Variants in GPC3 observed in about 807,000 individuals in gnomAD.
GPC3 encodes glypican 3, also known as glypican-3.
A neutral mutation model predicts 34.4 loss-of-function variants in GPC3; 3 were observed. That is an observed-to-expected ratio of 0.09 (90% CI 0.04 to 0.23). The LOEUF is 0.23. Ranked by LOEUF, GPC3 falls within the 10% of genes least tolerant of loss-of-function variation. GPC3 has a pLI of 1.00. For synonymous variants in GPC3, 177 were observed against 174.0 expected (o/e 1.02, Z -0.13); for missense variants, 351 against 445.6 (o/e 0.79, Z 1.91).
intron 3 of GPC3, among the ~76,000 whole-genome samples, chrX:133,709,970 G>A (rs2071253143): frequency 9.0e-6 from 1 of 111,698 alleles, no homozygotes; most frequent in African/African-American, 3.2e-5. Context: ...CAGCACAGAG[G>A]ATAATGAACA....
At chrX:133,809,882 G>A (rs948713234) in intron 2 of GPC3, among the ~76,000 whole-genome samples, 26 of 111,735 alleles carry the variant, frequency 2.3e-4, no homozygotes, top group African/African-American at 8.1e-4. Context: ...ACAACAAAGT[G>A]TGTTTTCAGA....
At chrX:133,611,960 A>G (rs1417717196) in intron 6 of GPC3, among the ~76,000 whole-genome samples, 1 of 112,398 alleles carries the variant, frequency 8.9e-6, no homozygotes, top group Non-Finnish European at 1.9e-5. Flanking sequence ...ACCTTTTGCC[A>G]TAAATGCACC....
At chrX:133,540,028 C>A (rs1163131034) in intron 7 of GPC3, among the ~76,000 whole-genome samples, 1 of 112,545 alleles carries the variant, frequency 8.9e-6, no homozygotes, top group Non-Finnish European at 1.9e-5. Context: ...AGCCCCCTCA[C>A]TGGCAAGGGA....
intron 6 of GPC3, among the ~76,000 whole-genome samples, chrX:133,617,961 C>T (rs183135162): frequency 2.4e-3 from 270 of 111,241 alleles, no homozygotes; most frequent in African/African-American, 8.1e-3. Context: ...GTGTGTGAAC[C>T]GAAACATTTT....
intron 7 of GPC3, among the ~76,000 whole-genome samples, chrX:133,563,349 C>T (rs1376898054): frequency 1.8e-5 from 2 of 111,342 alleles, no homozygotes; most frequent in Non-Finnish European, 3.8e-5. Flanking sequence ...TCCTGAGTAG[C>T]TGGGACTAGG....
chrX:133,598,958 T>C (rs1428799307), intron 6 of GPC3, among the ~76,000 whole-genome samples: 1 of 112,416 alleles, frequency 8.9e-6, no homozygotes, highest in Non-Finnish European at 1.9e-5. Context: ...CAGTGGCAGA[T>C]AAAAGTTTAA....
At chrX:133,662,648 C>A (rs2070737473) in intron 5 of GPC3, among the ~76,000 whole-genome samples, 1 of 112,216 alleles carries the variant, frequency 8.9e-6, no homozygotes, top group Admixed American at 9.4e-5. Flanking sequence ...TGGTTCCAGA[C>A]CTCTACATAG....
chrX:133,552,062 T>G (rs753413935), intron 7 of GPC3, among the ~76,000 whole-genome samples: 1 of 112,758 alleles, frequency 8.9e-6, no homozygotes, highest in African/African-American at 3.2e-5. Context: ...AACTTTCTAA[T>G]AATAAGTGCA....
chrX:133,559,634 C>T lies in GPC3; in HGVS notation c.1574-23341G>A, dbSNP rs1388393855. Among the ~76,000 whole-genome samples the T allele has an allele frequency of 6.3e-5, 7 of 111,581 alleles. No individual in the cohort carries two copies. In the South Asian group the frequency reaches 1.1e-3, roughly 18 times the overall value. ...GGGAAAGACTGATCCACAGACCTTT[C>T]CTGCTGTGTCTATAAGCAGAGAAGA... On this transcript the variant is annotated intron_variant, in intron 7 of 7. Transcript: ENST00000370818.
At chrX:133,694,747 G>T (rs778699014) in intron 4 of GPC3, among the ~76,000 whole-genome samples, 9 of 103,191 alleles carry the variant, frequency 8.7e-5, no homozygotes, top group Non-Finnish European at 1.8e-4. Flanking sequence ...TTCCATAGAA[G>T]TTAAAAAAAA....
Position 133,925,926 on chromosome X carries a change from C to T in GPC3, c.337+27124G>A, listed in dbSNP as rs1279755035. Among the ~76,000 whole-genome samples, 4 of 111,254 alleles carry T rather than the reference C, an allele frequency of 3.6e-5. No homozygotes were observed. The South Asian group carries it at 1.6e-3, about 44-fold the overall frequency. ...TGGAGATGGATTGTGGGCCAACAAACATAAGAACTAGCAACTAAAGCTAAC... is the reference window on the plus strand; with the variant it reads ...TGGAGATGGATTGTGGGCCAACAAATATAAGAACTAGCAACTAAAGCTAAC... On this transcript the variant is annotated intron_variant, in intron 2 of 7. Transcript: ENST00000370818.
chrX:133,741,281 CA>C (rs151157758), intron 3 of GPC3, among the ~76,000 whole-genome samples: 1,361 of 49,442 alleles, frequency 0.028, 9 homozygotes, highest in African/African-American at 0.057. Flanking sequence ...TTGTTTAAGC[CA>C]AAAAAAAAAA....
intron 2 of GPC3, among the ~76,000 whole-genome samples, chrX:133,948,337 C>T (rs919541874): frequency 9.1e-6 from 1 of 110,185 alleles, no homozygotes; most frequent in Non-Finnish European, 1.9e-5. Context: ...GTGGGAGAGA[C>T]AGGAATCTGA....
intron 2 of GPC3, among the ~76,000 whole-genome samples, chrX:133,913,333 A>C (rs2076209708): frequency 8.9e-6 from 1 of 112,419 alleles, no homozygotes; most frequent in South Asian, 3.7e-4. Flanking sequence ...ATGGAGAAGA[A>C]AGGGATGAGG....
chrX:133,878,114 T>C (rs985328183), intron 2 of GPC3, among the ~76,000 whole-genome samples: 1 of 112,198 alleles, frequency 8.9e-6, no homozygotes, highest in Non-Finnish European at 1.9e-5. Flanking sequence ...GCTGAGATAA[T>C]ATTACAAGAG....
intron 7 of GPC3, among the ~76,000 whole-genome samples, chrX:133,539,916 A>C (rs1217345923): frequency 8.9e-6 from 1 of 112,613 alleles, no homozygotes; most frequent in Admixed American, 9.4e-5. Flanking sequence ...ATTTCTGGAC[A>C]GGGGAAATGT....
intron 3 of GPC3, among the ~76,000 whole-genome samples, chrX:133,714,604 A>G (rs1269841013): frequency 9.0e-6 from 1 of 111,236 alleles, no homozygotes; most frequent in East Asian, 2.8e-4. Context: ...TAAATTATTT[A>G]TAAATAAATA....
chrX:133,876,867 C>T (rs1403037953), intron 2 of GPC3, among the ~76,000 whole-genome samples: 1 of 111,614 alleles, frequency 9.0e-6, no homozygotes, highest in African/African-American at 3.3e-5. Flanking sequence ...TATATTTTTA[C>T]CTTCATCTTC....
intron 5 of GPC3, among the ~76,000 whole-genome samples, chrX:133,672,720 C>T (rs769913667): frequency 1.9e-5 from 2 of 107,205 alleles, no homozygotes; most frequent in East Asian, 3.0e-4. Context: ...GCGCGATCTC[C>T]GCTCACTGCA....
Sources: gnomAD v4.1 joint callset for allele counts (sites outside exome capture counted in the v4.1 genomes callset) on GRCh38, gnomAD v4.1.1 for gene constraint, MANE v1.5 for transcripts, NCBI Gene and HGNC (gene_info 2026-07-23, HGNC 2026-07-21) for gene names.